MANBA: variants seen among roughly 807,000 people sequenced by gnomAD.
MANBA encodes the protein mannosidase beta, also known as beta-mannosidase.
In MANBA, 83 loss-of-function variants were observed where a neutral mutation model predicts 111.1. That is an observed-to-expected ratio of 0.75 (90% CI 0.63 to 0.90). The LOEUF is 0.90. MANBA is among the 40% of genes least tolerant of loss of function. MANBA has a pLI of 0.00. For synonymous variants in MANBA, 370 were observed against 378.7 expected (o/e 0.98, Z 0.27); for missense variants, 1,036 against 1,069.0 (o/e 0.97, Z 0.43).
At chr4:102,736,638 T>C (rs1210121101) in intron 1 of MANBA, among the ~76,000 whole-genome samples, 1 of 152,172 alleles carries the variant, frequency 6.6e-6, no homozygotes, top group South Asian at 2.1e-4. Flanking sequence ...AAGAAAACAC[T>C]TATCAAAAAC....
At chr4:102,672,330 T>C (rs901833848) in intron 8 of MANBA, among the ~76,000 whole-genome samples, 1 of 152,238 alleles carries the variant, frequency 6.6e-6, no homozygotes, top group African/African-American at 2.4e-5. Context: ...TTAAATGTGT[T>C]TATTTTCATT....
chr4:102,741,963 T>C lies in MANBA; in HGVS notation c.178-15280A>G, dbSNP rs532568593. 3.3e-5 allele frequency among the ~76,000 whole-genome samples: 5 copies of C among 152,270 alleles called. No individual in the cohort carries two copies. In the South Asian group the frequency reaches 1.0e-3, roughly 32 times the overall value. On this transcript the variant is annotated intron_variant, in intron 1 of 16. Transcript: ENST00000647097. ...CTTCATTCCTGAAGGGTCTGGGCCA[T>C]TTGTAGTCCTGCCCAGATTGGGCTG... is the stretch of plus-strand genomic sequence containing the variant.
chr4:102,682,201 C>T (rs943578138), intron 7 of MANBA, among the ~76,000 whole-genome samples: 2 of 150,072 alleles, frequency 1.3e-5, no homozygotes, highest in Non-Finnish European at 3.0e-5. Context: ...AATATAATGT[C>T]TATTACAGGA....
In MANBA at chr4:102,699,864, T is replaced by C. The variant is rs1204629169; in HGVS notation, c.674-9093A>G. 1.3e-4 allele frequency among the ~76,000 whole-genome samples: 20 copies of C among 151,018 alleles called. No homozygotes were observed. The East Asian group carries it at 3.7e-3, about 28-fold the overall frequency. On this transcript the variant is annotated intron_variant, in intron 5 of 16. Coordinates refer to ENST00000647097, the MANE Select transcript of MANBA (RefSeq NM_005908.4). ...CCCAGCTTTGGTATCAGGATGATGCTGGCCTCATAAAATGAGTTAGGGAGG... is the reference window on the plus strand; with the variant it reads ...CCCAGCTTTGGTATCAGGATGATGCCGGCCTCATAAAATGAGTTAGGGAGG...
intron 1 of MANBA, among the ~76,000 whole-genome samples, chr4:102,731,313 T>A (rs1321989080): frequency 6.6e-6 from 1 of 152,214 alleles, no homozygotes; most frequent in African/African-American, 2.4e-5. Context: ...GTTCTCACTG[T>A]GCTGTTTGCG....
intron 1 of MANBA, among the ~76,000 whole-genome samples, chr4:102,758,204 GTA>G (rs112234479): frequency 0.033 from 4,942 of 152,024 alleles, 234 homozygotes; most frequent in African/African-American, 0.11. Flanking sequence ...TATTAATTTG[GTA>G]TATATGTCTA....
intron 5 of MANBA, among the ~76,000 whole-genome samples, chr4:102,705,692 G>A (rs1305475412): frequency 1.3e-5 from 2 of 152,120 alleles, no homozygotes; most frequent in Non-Finnish European, 2.9e-5. Flanking sequence ...CAGTGGTCTG[G>A]ATATCATCCT....
chr4:102,635,802 AAAC>A, intron 15 of MANBA, 60 bp downstream of exon 15: 2 of 1,510,522 alleles, frequency 1.3e-6, no homozygotes, highest in Non-Finnish European at 1.8e-6. Flanking sequence ...GAATGTAACC[AAAC>A]AACTAAAGAA....
chr4:102,678,014 A>G (rs919608689), intron 7 of MANBA, among the ~76,000 whole-genome samples: 12 of 152,208 alleles, frequency 7.9e-5, no homozygotes, highest in Non-Finnish European at 1.5e-5. Flanking sequence ...TAACTTTTGT[A>G]AGTATAATGC....
chr4:102,740,561 G>A (rs1205218943), intron 1 of MANBA, among the ~76,000 whole-genome samples: 2 of 152,128 alleles, frequency 1.3e-5, no homozygotes, highest in East Asian at 1.9e-4. Context: ...TAAGGATATA[G>A]TCACAAAAAC....
intron 1 of MANBA, chr4:102,728,160 A>C (rs1346723332): frequency 3.7e-6 from 2 of 539,040 alleles, no homozygotes; most frequent in African/African-American, 3.8e-5. Flanking sequence ...TTTCCTGCTA[A>C]CTTCTCATGC....
chr4:102,708,512 A>G (rs986605061), intron 5 of MANBA, among the ~76,000 whole-genome samples: 5 of 152,170 alleles, frequency 3.3e-5, no homozygotes, highest in South Asian at 4.1e-4. Context: ...CAGTGCTAAG[A>G]GGGAAGTTTA....
chr4:102,659,835 TC>T (rs1730844641), intron 11 of MANBA, among the ~76,000 whole-genome samples: 1 of 152,208 alleles, frequency 6.6e-6, no homozygotes, highest in Non-Finnish European at 1.5e-5. Flanking sequence ...TGAAGCTCTC[TC>T]CACTCCTGGC....
chr4:102,713,219 TCTTA>T (rs1722161761), intron 5 of MANBA, among the ~76,000 whole-genome samples: 1 of 152,196 alleles, frequency 6.6e-6, no homozygotes, highest in Non-Finnish European at 1.5e-5. Context: ...CCACATTCTT[TCTTA>T]CTGATTTCAT....
At chr4:102,717,746 A>G (rs1722399787) in intron 4 of MANBA, among the ~76,000 whole-genome samples, 1 of 152,164 alleles carries the variant, frequency 6.6e-6, no homozygotes, top group South Asian at 2.1e-4. Flanking sequence ...GAGGTGCAGG[A>G]CAGTCTGATG....
chr4:102,696,967 G>A lies in MANBA; in HGVS notation c.674-6196C>T, dbSNP rs191275867. ...GCTAACCATTGCGTTAGCCAAAAAT[G>A]TTGGCCCACAGTTAGTTAAAACAGC... On this transcript the variant is annotated intron_variant, in intron 5 of 16. Transcript: ENST00000647097. 1.8e-3 allele frequency among the ~76,000 whole-genome samples: 281 copies of A among 152,270 alleles called. 1 individual carries two copies. The highest frequency in any genetic ancestry group is 6.7e-3 in the African/African-American group (277 of 41,556).
At chr4:102,689,765 A>C (rs1732393972) in intron 6 of MANBA, 81 bp from the exon 7 acceptor site, 1 of 817,022 alleles carries the variant, frequency 1.2e-6, no homozygotes, top group Non-Finnish European at 2.2e-6. Context: ...AATTTCTCAA[A>C]TAGTCAAGTA....
At chr4:102,644,132 A>G (rs1239342564) in intron 13 of MANBA, among the ~76,000 whole-genome samples, 1 of 152,186 alleles carries the variant, frequency 6.6e-6, no homozygotes, top group African/African-American at 2.4e-5. Context: ...CAATTGTTCC[A>G]GCACCACTTG....
chr4:102,632,581 T>C (rs1729438766), intron 16 of MANBA, among the ~76,000 whole-genome samples: 1 of 152,212 alleles, frequency 6.6e-6, no homozygotes, highest in Non-Finnish European at 1.5e-5. Flanking sequence ...TCTCAGAGTA[T>C]CATCAAGAGA....
Sources: gnomAD v4.1 joint callset for allele counts (sites outside exome capture counted in the v4.1 genomes callset) on GRCh38, gnomAD v4.1.1 for gene constraint, MANE v1.5 for transcripts, NCBI Gene and HGNC (gene_info 2026-07-23, HGNC 2026-07-21) for gene names.